Variants in SLC12A2 observed in about 807,000 individuals in gnomAD.
The protein encoded by SLC12A2 is solute carrier family 12 member 2, also known as Na-K-2Cl cotransporter 1.
In SLC12A2, 67 loss-of-function variants were observed where a neutral mutation model predicts 136.3. The ratio of observed to expected loss-of-function variants is 0.49; its 90% CI spans 0.40 to 0.60. The LOEUF is 0.60. Ranked by LOEUF, SLC12A2 falls within the 20% of genes least tolerant of loss-of-function variation. SLC12A2 has a pLI of 0.00. For synonymous variants in SLC12A2, 619 were observed against 562.9 expected, an observed-to-expected ratio of 1.10 and a Z score of -1.41; for missense variants, 1,322 against 1,534.7, an observed-to-expected ratio of 0.86 and a Z score of 2.32.
At chr5:128,111,012 T>G in intron 1 of SLC12A2, 1 of 727,676 alleles carries the variant, frequency 1.4e-6, no homozygotes, top group Non-Finnish European at 2.5e-6. Context: ...CAAAATAACT[T>G]CTATTAAAAT....
chr5:128,103,456 C>T (rs1454006065), intron 1 of SLC12A2, among the ~76,000 whole-genome samples: 1 of 152,166 alleles, frequency 6.6e-6, no homozygotes, highest in Non-Finnish European at 1.5e-5. Flanking sequence ...ACAGATTCCT[C>T]ATGAAAGCTC....
intron 4 of SLC12A2, among the ~76,000 whole-genome samples, chr5:128,120,167 T>C (rs1761501100): frequency 1.3e-5 from 2 of 152,058 alleles, no homozygotes; most frequent in South Asian, 4.2e-4. Flanking sequence ...AGATACCATC[T>C]CACACCAGTT....
At chr5:128,169,475 T>C (rs2126743450) in intron 18 of SLC12A2, 1 of 152,320 alleles carries the variant, frequency 6.6e-6, no homozygotes, top group Middle Eastern at 3.4e-3. Context: ...AGGATCTCTT[T>C]ATATGGATTA....
intron 4 of SLC12A2, among the ~76,000 whole-genome samples, chr5:128,128,332 T>G (rs1761893909): frequency 6.6e-6 from 1 of 152,134 alleles, no homozygotes; most frequent in Non-Finnish European, 1.5e-5. Flanking sequence ...AAGATGGAAC[T>G]CAGTATTGTC....
chr5:128,143,354 A>G (rs992394163), intron 10 of SLC12A2, among the ~76,000 whole-genome samples: 3 of 152,158 alleles, frequency 2.0e-5, no homozygotes, highest in African/African-American at 7.2e-5. Flanking sequence ...ATGCAGCATG[A>G]AATCACCATT....
intron 1 of SLC12A2, chr5:128,111,011 T>G: frequency 1.4e-6 from 1 of 730,686 alleles, no homozygotes; most frequent in Non-Finnish European, 2.5e-6. Flanking sequence ...GCAAAATAAC[T>G]TCTATTAAAA....
chr5:128,142,529 A>T (rs1468588429), intron 10 of SLC12A2, among the ~76,000 whole-genome samples: 2 of 150,006 alleles, frequency 1.3e-5, no homozygotes, highest in Admixed American at 6.7e-5. Context: ...AACAGCATGT[A>T]ATATATATAT....
At chr5:128,133,132 A>T (rs961742588) in intron 5 of SLC12A2, among the ~76,000 whole-genome samples, 11 of 152,108 alleles carry the variant, frequency 7.2e-5, no homozygotes, top group African/African-American at 2.7e-4. Flanking sequence ...CGATCAGATT[A>T]ATTCAAGAGA....
At chr5:128,165,095 G>A (rs1763159956) in intron 17 of SLC12A2, among the ~76,000 whole-genome samples, 1 of 151,998 alleles carries the variant, frequency 6.6e-6, no homozygotes, top group African/African-American at 2.4e-5. Context: ...TCCTACCTCA[G>A]CCTCTCAAAG....
intron 4 of SLC12A2, among the ~76,000 whole-genome samples, chr5:128,124,935 T>C (rs1004053878): frequency 2.0e-5 from 3 of 152,178 alleles, no homozygotes; most frequent in African/African-American, 7.2e-5. Context: ...TGAAGGGGCT[T>C]ATTTTAAATA....
intron 20 of SLC12A2, among the ~76,000 whole-genome samples, chr5:128,176,316 A>T (rs186416086): frequency 6.6e-6 from 1 of 152,134 alleles, no homozygotes; most frequent in Non-Finnish European, 1.5e-5. Flanking sequence ...AACTCCTGGG[A>T]ATATAAATGT....
chr5:128,160,835 G>GTGTGTGTT (rs1763012551), intron 16 of SLC12A2, among the ~76,000 whole-genome samples: 1 of 148,930 alleles, frequency 6.7e-6, no homozygotes. Flanking sequence ...AAGTCAAGGG[G>GTGTGTGTT]TGTGTGTTTG....
intron 1 of SLC12A2, among the ~76,000 whole-genome samples, chr5:128,089,193 A>G (rs1295049887): frequency 6.6e-6 from 1 of 151,688 alleles, no homozygotes; most frequent in Admixed American, 6.6e-5. Context: ...AAAAGAAAGA[A>G]ACACAAGAAA....
chr5:128,148,713 C>G (rs1483511477), intron 11 of SLC12A2, 41 bp from the exon 12 acceptor site: 2 of 1,511,918 alleles, frequency 1.3e-6, no homozygotes, highest in Admixed American at 2.3e-5. Flanking sequence ...ATCTGCATGT[C>G]TAATTTTAAT....
At chr5:128,148,708 C>T in intron 11 of SLC12A2, 46 bp from the exon 12 acceptor site, 1 of 1,484,762 alleles carries the variant, frequency 6.7e-7, no homozygotes, top group Non-Finnish European at 9.1e-7. Context: ...AGCAAATCTG[C>T]ATGTCTAATT....
intron 17 of SLC12A2, 58 bp downstream of exon 17, chr5:128,161,858 A>C: frequency 5.1e-6 from 6 of 1,172,920 alleles, no homozygotes; most frequent in Non-Finnish European, 6.7e-6. Context: ...AGCTTTTTAA[A>C]ACTTTTTAAT....
At chr5:128,096,797 A>C (rs987879343) in intron 1 of SLC12A2, among the ~76,000 whole-genome samples, 1 of 152,084 alleles carries the variant, frequency 6.6e-6, no homozygotes, top group South Asian at 2.1e-4. Flanking sequence ...AAGAAAGGTA[A>C]TTAAGCAAAA....
At chr5:128,165,927 C>G (rs76041804) in intron 17 of SLC12A2, among the ~76,000 whole-genome samples, 5 of 136,448 alleles carry the variant, frequency 3.7e-5, no homozygotes, top group South Asian at 2.5e-4. Flanking sequence ...CTCCCCCCCC[C>G]CCCCCCAGTT....
intron 4 of SLC12A2, among the ~76,000 whole-genome samples, chr5:128,117,466 G>T (rs897276590): frequency 4.6e-5 from 7 of 152,076 alleles, no homozygotes; most frequent in African/African-American, 1.4e-4. Context: ...ACTCCTGAAA[G>T]GTTTCTTTCC....
Sources: gnomAD v4.1 joint callset for allele counts (sites outside exome capture counted in the v4.1 genomes callset) on GRCh38, gnomAD v4.1.1 for gene constraint, MANE v1.5 for transcripts, NCBI Gene and HGNC (gene_info 2026-07-23, HGNC 2026-07-21) for gene names.